Variants in ATXN1 observed in about 807,000 individuals in gnomAD.
ATXN1 encodes the protein ataxin-1.
A neutral mutation model predicts 56.4 loss-of-function variants in ATXN1; 8 were observed. That is an observed-to-expected ratio of 0.14 (90% CI 0.08 to 0.26). The LOEUF (loss-of-function observed/expected upper bound fraction) is 0.26, where lower values mean the gene tolerates loss of function less well. Among genes scored for constraint, ATXN1 ranks in the 10% least tolerant of loss-of-function variants. The pLI, the probability that ATXN1 is intolerant of heterozygous loss-of-function variation, is 1.00. For synonymous variants in ATXN1, 514 were observed against 494.6 expected (o/e 1.04, Z -0.52); for missense variants, 987 against 1,106.5 (o/e 0.89, Z 1.53).
rs1490488455 is a variant in ATXN1 at position 16,758,984 on chromosome 6, C to CA, written c.-730+2313dup. Among the ~76,000 whole-genome samples the CA allele has an allele frequency of 1.1e-4, 17 of 152,068 alleles. 1 individual carries two copies. The Middle Eastern group carries it at 0.01, about 91-fold the overall frequency. ...GTTTCCTCAGACATAAGCTTCACTC[C>CA]AAAAAAAGCTCAAGTATCAAACTAC... On this transcript the variant is annotated intron_variant, in intron 1 of 7. Transcript: ENST00000436367.
At chr6:16,702,344 T>C (rs1759304633) in intron 2 of ATXN1, among the ~76,000 whole-genome samples, 1 of 152,130 alleles carries the variant, frequency 6.6e-6, no homozygotes, top group East Asian at 1.9e-4. Context: ...TCAAGATGGA[T>C]TAAAGACTTA....
intron 4 of ATXN1, among the ~76,000 whole-genome samples, chr6:16,526,796 T>C (rs925027872): frequency 5.4e-5 from 8 of 148,604 alleles, no homozygotes; most frequent in South Asian, 4.3e-4. Flanking sequence ...ATTCAGTGGG[T>C]GTTCAACATA....
chr6:16,446,436 T>C (rs886466983), intron 6 of ATXN1, among the ~76,000 whole-genome samples: 2 of 152,326 alleles, frequency 1.3e-5, no homozygotes, highest in South Asian at 4.1e-4. Flanking sequence ...TCCTTTGGGG[T>C]GCCTGTTAAA....
intron 4 of ATXN1, among the ~76,000 whole-genome samples, chr6:16,584,071 T>C (rs1762574332): frequency 6.6e-6 from 1 of 151,806 alleles, no homozygotes; most frequent in Non-Finnish European, 1.5e-5. Flanking sequence ...ATCCGAATTT[T>C]ACATGCAAAG....
chr6:16,419,285 T>C (rs933773238), intron 6 of ATXN1, among the ~76,000 whole-genome samples: 2 of 152,172 alleles, frequency 1.3e-5, no homozygotes, highest in African/African-American at 4.8e-5. Flanking sequence ...CATGTAAATA[T>C]TTTAGCACAG....
intron 7 of ATXN1, among the ~76,000 whole-genome samples, chr6:16,312,397 A>G (rs1212589482): frequency 6.6e-6 from 1 of 151,554 alleles, no homozygotes; most frequent in Admixed American, 6.6e-5. Flanking sequence ...AACATAACTA[A>G]CTCCATTTTT....
chr6:16,698,577 T>C (rs1351442261), intron 2 of ATXN1, among the ~76,000 whole-genome samples: 1 of 151,808 alleles, frequency 6.6e-6, no homozygotes. Flanking sequence ...GAAACTGTTC[T>C]TGAAGTATGA....
chr6:16,723,256 C>G (rs1759782021), intron 2 of ATXN1, among the ~76,000 whole-genome samples: 1 of 152,064 alleles, frequency 6.6e-6, no homozygotes, highest in Non-Finnish European at 1.5e-5. Context: ...ATCATTTTTC[C>G]TACTTTTAAG....
intron 5 of ATXN1, among the ~76,000 whole-genome samples, chr6:16,493,160 C>T (rs1165386328): frequency 1.3e-5 from 2 of 152,146 alleles, no homozygotes; most frequent in South Asian, 2.1e-4. Flanking sequence ...CTTCCCCGTG[C>T]CATCCATACC....
intron 3 of ATXN1, among the ~76,000 whole-genome samples, chr6:16,620,626 T>G (rs903358590): frequency 2.0e-5 from 3 of 152,208 alleles, no homozygotes; most frequent in Non-Finnish European, 2.9e-5. Context: ...GTACGTTATA[T>G]AAAGAAGCTA....
chr6:16,327,333 A>G lies in ATXN1; in HGVS notation c.978T>C (p.Gly326=), dbSNP rs559853310. 1 of 1,611,522 alleles carries G rather than the reference A, an allele frequency of 6.2e-7. No homozygotes were observed. The highest frequency in any genetic ancestry group is 1.1e-5 in the South Asian group (1 of 91,026). ...QAIQAKEVLN[G]EMEKSRRYGA... Reference sequence around the variant, plus strand: ...CGTACCGCCGGCTCTTCTCCATCTCACCGTTCAGGACCTCCTTGGCCTGGA... The same window carrying G: ...CGTACCGCCGGCTCTTCTCCATCTCGCCGTTCAGGACCTCCTTGGCCTGGA... The change falls in exon 7 of 8, where the codon GGT becomes GGC. Residue 326 remains glycine (G), a synonymous_variant. Coordinates refer to ENST00000436367, the MANE Select transcript of ATXN1 (RefSeq NM_001128164.2).
chr6:16,367,344 T>C (rs992352824), intron 6 of ATXN1, among the ~76,000 whole-genome samples: 2 of 96,694 alleles, frequency 2.1e-5, no homozygotes, highest in Non-Finnish European at 4.6e-5. Flanking sequence ...TCTCTCTCTC[T>C]CTCTCTCTCT....
At chr6:16,604,825 ATCCTCCC>A in intron 3 of ATXN1, among the ~76,000 whole-genome samples, 1 of 152,108 alleles carries the variant, frequency 6.6e-6, no homozygotes, top group Admixed American at 6.5e-5. Flanking sequence ...GCCCTAAGCA[ATCCTCCC>A]ACTTTGGCTT....
intron 3 of ATXN1, among the ~76,000 whole-genome samples, chr6:16,628,990 A>C (rs1236017075): frequency 6.6e-6 from 1 of 152,204 alleles, no homozygotes; most frequent in Non-Finnish European, 1.5e-5. Context: ...ATACCCAGTA[A>C]TGGGATTGCT....
rs932850300 is a variant in ATXN1 at position 16,306,615 on chromosome 6, T to G, written c.2162A>C (p.His721Pro). Residue 721 changes from histidine to proline, a missense_variant, in exon 8 of 8, where the codon CAC becomes CCC. By Grantham distance (77) the His-to-Pro change is moderately conservative. Transcript: ENST00000436367. This position sits in a 1 kb window ranked among gnomAD's most constrained non-coding sequence, Gnocchi z 5.2. ...TCCGTTTTCCTGCTCGGCATACCTG[T>G]GTCTGCTGCCCGCCAGGCCGTCGGC... is the stretch of plus-strand genomic sequence containing the variant. ...SKADGLAGSR[H>P]RYAEQENGIN... is the part of the protein sequence containing the mutation. The G allele has an allele frequency of 1.2e-6, 2 of 1,614,150 alleles. No homozygotes were observed. Among genetic ancestry groups the G allele is most frequent in the African/African-American group, 2.7e-5 (2 of 74,948 alleles).
chr6:16,359,539 C>T lies in ATXN1; in HGVS notation c.-160-31069G>A, dbSNP rs572481090. On this transcript the variant is annotated intron_variant, in intron 6 of 7. Coordinates refer to ENST00000436367, the MANE Select transcript of ATXN1 (RefSeq NM_001128164.2). ...TGGCAGAGAGGAGCTACCCTCTCTG[C>T]TAAGAGGAGTGCTTCAGAGACCTGC... Among the ~76,000 whole-genome samples the T allele has an allele frequency of 1.0e-3, 159 of 152,072 alleles. 1 individual carries two copies. The highest frequency in any genetic ancestry group is 0.01 in the Middle Eastern group (3 of 294).
Position 16,299,725 on chromosome 6 carries a change from A to AATC in ATXN1, c.*6601_*6603dup, listed in dbSNP as rs1760036004. On this transcript the variant is annotated 3_prime_UTR_variant, in exon 8 of 8. Coordinates refer to ENST00000436367, the MANE Select transcript of ATXN1 (RefSeq NM_001128164.2). ...CACTGGCTGGAAATGAAGACTGTCT[A>AATC]ATCTGAAGGTCACCACAAATACTGA... 1 of 152,652 alleles carries AATC rather than the reference A, an allele frequency of 6.6e-6. No homozygotes were observed. The highest frequency in any genetic ancestry group is 1.5e-5 in the Non-Finnish European group (1 of 68,048). 9.5% of individuals were successfully genotyped at this position (152,652 alleles called of 1,614,324 possible).
At chr6:16,341,887 T>C (rs1761258875) in intron 6 of ATXN1, among the ~76,000 whole-genome samples, 1 of 143,122 alleles carries the variant, frequency 7.0e-6, no homozygotes, top group South Asian at 2.4e-4. Context: ...ATTTTTTTTT[T>C]TTTTTTTTTT....
chr6:16,657,124 C>T (rs1207587333), intron 3 of ATXN1, among the ~76,000 whole-genome samples: 1 of 150,476 alleles, frequency 6.6e-6, no homozygotes, highest in Non-Finnish European at 1.5e-5. Flanking sequence ...GCTGGGACTA[C>T]AAGCGCCCGC....
Sources: allele counts gnomAD v4.1 joint callset (sites outside exome capture counted in the v4.1 genomes callset), GRCh38; gene constraint gnomAD v4.1.1; non-coding constraint Gnocchi (gnomAD v3.1); transcripts MANE v1.5; gene names NCBI Gene and HGNC (gene_info 2026-07-23, HGNC 2026-07-21).